The following YPEL1 variants were observed in gnomAD, a reference collection of about 807,000 sequenced individuals.
YPEL1 encodes yippee like 1.
YPEL1 carries 7 observed loss-of-function variants against 17.3 expected under a neutral mutation model. The observed-to-expected ratio is 0.40, with a 90% CI of 0.23 to 0.76. The LOEUF (loss-of-function observed/expected upper bound fraction) is 0.76, where lower values mean the gene tolerates loss of function less well. YPEL1 is among the 30% of genes least tolerant of loss of function. The pLI is 0.35. For synonymous variants in YPEL1, 59 were observed against 59.6 expected (o/e 0.99, Z 0.05); for missense variants, 91 against 155.5 (o/e 0.59, Z 2.21).
At chr22:21,731,263 C>T (rs1206668879) in intron 1 of YPEL1, among the ~76,000 whole-genome samples, 1 of 151,518 alleles carries the variant, frequency 6.6e-6, no homozygotes, top group African/African-American at 2.4e-5. Context: ...CCTGTCGTCC[C>T]AGCTACTCGG....
At chr22:21,722,460 C>CA (rs141919432) in intron 1 of YPEL1, among the ~76,000 whole-genome samples, 19,237 of 151,514 alleles carry the variant, frequency 0.13, 1,546 homozygotes, top group Non-Finnish European at 0.17. Flanking sequence ...ACTAAAAATA[C>CA]AAAAAAATAG....
intron 1 of YPEL1, among the ~76,000 whole-genome samples, chr22:21,725,059 C>T (rs548350214): frequency 9.2e-5 from 14 of 151,538 alleles, no homozygotes; most frequent in Non-Finnish European, 1.8e-4. Flanking sequence ...AGGCATGTGC[C>T]ATCATGCCCG....
intron 1 of YPEL1, among the ~76,000 whole-genome samples, chr22:21,719,177 C>G (rs759026704): frequency 5.8e-4 from 88 of 152,282 alleles, no homozygotes; most frequent in Admixed American, 7.8e-4. Flanking sequence ...CCTCCAGGAG[C>G]CCAGCACCAC....
intron 1 of YPEL1, among the ~76,000 whole-genome samples, chr22:21,733,137 C>T (rs2068404368): frequency 6.6e-6 from 1 of 151,898 alleles, no homozygotes; most frequent in African/African-American, 2.4e-5. Flanking sequence ...CAAAACAAGG[C>T]TGGGCACTGT....
intron 1 of YPEL1, 42 bp from the exon 2 acceptor site, chr22:21,710,950 A>C: frequency 5.2e-6 from 3 of 577,612 alleles, no homozygotes; most frequent in East Asian, 3.0e-5. Context: ...CAGAGAGAAC[A>C]TGCGTGTGAA....
chr22:21,702,280 G>C (rs1009846428), intron 4 of YPEL1, among the ~76,000 whole-genome samples: 2 of 152,158 alleles, frequency 1.3e-5, no homozygotes, highest in Admixed American at 1.3e-4. Context: ...GGGAAGGCAC[G>C]GGTTTCTGGA....
chr22:21,704,297 T>C (rs861813), intron 2 of YPEL1, among the ~76,000 whole-genome samples: 60,666 of 152,068 alleles, frequency 0.4, 12,487 homozygotes, highest in Non-Finnish European at 0.43. Context: ...AGTTCAGATG[T>C]GCTCACGCTG....
At position 21,700,227 on chromosome 22, in the gene YPEL1, C is replaced by T. The variant is rs12159550; in HGVS notation, c.*902G>A. 5.9e-5 allele frequency: 9 copies of T among 152,444 alleles called. No homozygotes were observed. Among genetic ancestry groups the T allele is most frequent in the African/African-American group, 1.9e-4 (8 of 41,574 alleles). 9.4% of individuals were successfully genotyped at this position (152,444 alleles called of 1,614,324 possible). A position where few individuals can be genotyped will look rare whatever the true frequency, so the allele number is the denominator to read the frequency against. Reference sequence around the variant, plus strand: ...AAACAGCGGGGTGGAGGGTGGGCTACAATACCTTTTCTCTAAAAAAGGGAA... The same window carrying T: ...AAACAGCGGGGTGGAGGGTGGGCTATAATACCTTTTCTCTAAAAAAGGGAA... On this transcript the variant is annotated 3_prime_UTR_variant, in exon 5 of 5. Coordinates refer to ENST00000339468, the MANE Select transcript of YPEL1 (RefSeq NM_013313.5).
intron 2 of YPEL1, 111 bp downstream of exon 2, chr22:21,710,517 G>T: frequency 2.1e-6 from 2 of 957,120 alleles, no homozygotes; most frequent in Non-Finnish European, 3.4e-6. Flanking sequence ...TAGACGTTCA[G>T]GACACAGCAG....
Position 21,697,801 on chromosome 22 carries a change from A to AGTTT in YPEL1, c.*3324_*3327dup, listed in dbSNP as rs771081659. ...GGCAAATGAAGGTTTACATTTCTGT[A>AGTTT]GTTTGTTTGTTTTAGAGCTTAATTT... On this transcript the variant is annotated 3_prime_UTR_variant, in exon 5 of 5. Transcript: ENST00000339468. 1.3e-5 allele frequency: 2 copies of AGTTT among 152,334 alleles called. No individual in the cohort carries two copies. The highest frequency in any genetic ancestry group is 4.8e-5 in the African/African-American group (2 of 41,446). The allele number at this position is 152,334 out of a possible 1,614,324, so 9.4% of individuals were successfully genotyped here.
At chr22:21,705,789 C>T (rs1444591403) in intron 2 of YPEL1, among the ~76,000 whole-genome samples, 1 of 152,006 alleles carries the variant, frequency 6.6e-6, no homozygotes, top group Non-Finnish European at 1.5e-5. Flanking sequence ...GCCATGATTA[C>T]ACCACTGCAC....
In YPEL1 at chr22:21,709,312, C is replaced by T. The variant is rs1296309933; in HGVS notation, c.117+1316G>A. On this transcript the variant is annotated intron_variant, in intron 2 of 4. Transcript: ENST00000339468. Reference sequence around the variant, plus strand: ...GTGCCTGGCTCCTTCCACTTCTCACCTCACACTTCCCAGTGCACACAGGAG... The same window carrying T: ...GTGCCTGGCTCCTTCCACTTCTCACTTCACACTTCCCAGTGCACACAGGAG... Among the ~76,000 whole-genome samples, 6 of 152,298 alleles carry T rather than the reference C, an allele frequency of 3.9e-5. 1 individual carries two copies. Among genetic ancestry groups the T allele is most frequent in the Admixed American group, 3.9e-4 (6 of 15,302 alleles).
intron 1 of YPEL1, among the ~76,000 whole-genome samples, chr22:21,724,235 T>C (rs2068311000): frequency 6.6e-6 from 1 of 152,114 alleles, no homozygotes; most frequent in Non-Finnish European, 1.5e-5. Context: ...TAGTATTTTG[T>C]AATTATGAAA....
intron 1 of YPEL1, among the ~76,000 whole-genome samples, chr22:21,723,776 C>CT (rs2068306172): frequency 6.6e-6 from 1 of 151,860 alleles, no homozygotes; most frequent in Admixed American, 6.6e-5. Context: ...AACGATTCTC[C>CT]TGCCTAAGCC....
Position 21,703,845 on chromosome 22 carries a change from T to C in YPEL1, c.155A>G (p.Asn52Ser). 3 of 1,609,500 alleles carry C rather than the reference T, an allele frequency of 1.9e-6. No individual in the cohort carries two copies. Among genetic ancestry groups the C allele is most frequent in the Non-Finnish European group, 2.5e-6 (3 of 1,177,968 alleles). The stretch of plus-strand genomic sequence containing the variant: ...GCTGAACCAGGGTACTCACACGGAA[T>C]TGAAGAGGTAGGCGCGTCCCTGGCT... ...QGSQGRAYLF[N>S]SVVNVGCGPA... The change falls in exon 3 of 5, where the codon AAT becomes AGT. Residue 52 changes from asparagine to serine, a missense_variant. Physicochemically the swap from Asn to Ser is conservative, Grantham distance 46 (BLOSUM62 1). Coordinates refer to ENST00000339468, the MANE Select transcript of YPEL1 (RefSeq NM_013313.5). The surrounding 1 kb of genome is among the most constrained non-coding windows in gnomAD (Gnocchi z 6.1).
At position 21,710,839 on chromosome 22, in the gene YPEL1, G is replaced by T. The variant is rs1016628680; in HGVS notation, c.-95C>A. The T allele has an allele frequency of 1.2e-5, 13 of 1,119,476 alleles. No homozygotes were observed. In the East Asian group the frequency reaches 2.8e-4, roughly 24 times the overall value. 69.3% of individuals were successfully genotyped at this position (1,119,476 alleles called of 1,614,324 possible). A position where few individuals can be genotyped will look rare whatever the true frequency, so the allele number is the denominator to read the frequency against. On this transcript the variant is annotated 5_prime_UTR_variant, in exon 2 of 5. Transcript: ENST00000339468. ...ACAAAAGCAACACTGGAAAATGCAC[G>T]CAAGAGCCGTCGTTGTCCAGGAGGG...
intron 1 of YPEL1, among the ~76,000 whole-genome samples, chr22:21,722,678 C>A (rs2068295385): frequency 6.6e-6 from 1 of 151,806 alleles, no homozygotes; most frequent in African/African-American, 2.4e-5. Context: ...TTTTGAATTT[C>A]TAAATGCCAT....
At chr22:21,713,721 G>GT in intron 1 of YPEL1, among the ~76,000 whole-genome samples, 1 of 152,226 alleles carries the variant, frequency 6.6e-6, no homozygotes, top group Admixed American at 6.5e-5. Context: ...TGGTTAAGAT[G>GT]GTAAGAGTTA....
chr22:21,725,613 C>T (rs73384125), intron 1 of YPEL1, among the ~76,000 whole-genome samples: 1 of 152,012 alleles, frequency 6.6e-6, no homozygotes, highest in African/African-American at 2.4e-5. Context: ...TGTCCTGGCC[C>T]CTGAAAGGCA....
Sources: gnomAD v4.1 joint callset for allele counts (sites outside exome capture counted in the v4.1 genomes callset) on GRCh38, gnomAD v4.1.1 for gene constraint, Gnocchi (gnomAD v3.1) non-coding constraint, MANE v1.5 for transcripts, NCBI Gene and HGNC (gene_info 2026-07-23, HGNC 2026-07-21) for gene names.